ARHGAP6: variants seen among roughly 807,000 people sequenced by gnomAD.
ARHGAP6 encodes the protein Rho GTPase activating protein 6.
Under a neutral mutation model 55.7 loss-of-function variants are expected in ARHGAP6, and 16 were observed. The ratio of observed to expected loss-of-function variants is 0.29; its 90% CI spans 0.19 to 0.44. ARHGAP6 has a LOEUF of 0.44. Among genes scored for constraint, ARHGAP6 ranks in the 20% least tolerant of loss-of-function variants. The pLI is 1.00. For synonymous variants in ARHGAP6, 382 were observed against 360.9 expected (o/e 1.06, Z -0.66); for missense variants, 698 against 808.9 (o/e 0.86, Z 1.66).
At chrX:11,225,635 C>T (rs1436926133) in intron 2 of ARHGAP6, 2 of 443,585 alleles carry the variant, frequency 4.5e-6, no homozygotes, top group East Asian at 4.7e-5. Context: ...AAAATTTATC[C>T]GATTTTAATC....
At chrX:11,423,349 A>T (rs2049845509) in intron 1 of ARHGAP6, among the ~76,000 whole-genome samples, 1 of 112,984 alleles carries the variant, frequency 8.9e-6, no homozygotes, top group African/African-American at 3.2e-5. Flanking sequence ...TTGAATGTTC[A>T]TAGAGAACAA....
intron 1 of ARHGAP6, among the ~76,000 whole-genome samples, chrX:11,399,105 AAG>A (rs1280540988): frequency 8.9e-6 from 1 of 111,888 alleles, no homozygotes; most frequent in Non-Finnish European, 1.9e-5. Context: ...TTGGACTAAA[AAG>A]AGGACACACA....
chrX:11,378,546 A>G (rs1236132188), intron 1 of ARHGAP6, among the ~76,000 whole-genome samples: 1 of 112,578 alleles, frequency 8.9e-6, no homozygotes, highest in Non-Finnish European at 1.9e-5. Context: ...CAGTTCCATA[A>G]TACTACAAAA....
At chrX:11,511,899 T>G (rs2050788317) in intron 1 of ARHGAP6, among the ~76,000 whole-genome samples, 1 of 111,268 alleles carries the variant, frequency 9.0e-6, no homozygotes, top group Non-Finnish European at 1.9e-5. Flanking sequence ...TGATCTCAGC[T>G]CACTGCAAGC....
chrX:11,255,916 A>G (rs955717392), intron 1 of ARHGAP6, among the ~76,000 whole-genome samples: 1 of 112,210 alleles, frequency 8.9e-6, no homozygotes, highest in Non-Finnish European at 1.9e-5. Context: ...TCTCCTTACT[A>G]AAGACTTCTT....
chrX:11,362,393 A>G (rs1300408629), intron 1 of ARHGAP6, among the ~76,000 whole-genome samples: 1 of 109,996 alleles, frequency 9.1e-6, no homozygotes, highest in Admixed American at 9.7e-5. Context: ...TTCTCAGTAA[A>G]CTATCGCAAG....
chrX:11,368,235 G>A (rs991885876), intron 1 of ARHGAP6, among the ~76,000 whole-genome samples: 6 of 112,451 alleles, frequency 5.3e-5, no homozygotes, highest in Non-Finnish European at 9.4e-5. Context: ...TGAGCATATT[G>A]CATTACTGTT....
chrX:11,466,840 T>G (rs1315964833), intron 1 of ARHGAP6, among the ~76,000 whole-genome samples: 4 of 112,276 alleles, frequency 3.6e-5, no homozygotes, highest in South Asian at 3.7e-4. Flanking sequence ...CTATATATGT[T>G]TCTTACAGTA....
At chrX:11,601,172 C>T (rs1002173301) in intron 1 of ARHGAP6, among the ~76,000 whole-genome samples, 13 of 111,210 alleles carry the variant, frequency 1.2e-4, no homozygotes, top group Admixed American at 7.7e-4. Flanking sequence ...GGTGACTGAT[C>T]GGGATAAGTC....
chrX:11,474,048 A>T (rs1320792496), intron 1 of ARHGAP6, among the ~76,000 whole-genome samples: 1 of 111,281 alleles, frequency 9.0e-6, no homozygotes, highest in Non-Finnish European at 1.9e-5. Flanking sequence ...GTGAAATTCA[A>T]TATGTACCCT....
intron 1 of ARHGAP6, among the ~76,000 whole-genome samples, chrX:11,309,605 A>G (rs866557424): frequency 1.8e-5 from 2 of 111,428 alleles, no homozygotes; most frequent in Non-Finnish European, 3.8e-5. Flanking sequence ...TGAGGTAGAC[A>G]TATGGCAGTT....
chrX:11,394,504 C>G (rs1297566789), intron 1 of ARHGAP6, among the ~76,000 whole-genome samples: 1 of 111,389 alleles, frequency 9.0e-6, no homozygotes, highest in East Asian at 2.8e-4. Context: ...GAATTGCACA[C>G]TTAAACTGAG....
intron 1 of ARHGAP6, among the ~76,000 whole-genome samples, chrX:11,374,274 C>T (rs1028499893): frequency 1.1e-4 from 12 of 111,408 alleles, no homozygotes; most frequent in Non-Finnish European, 3.8e-5. Context: ...CAGTTTTGCT[C>T]GTAAAGAGGC....
At chrX:11,368,277 G>A (rs192180973) in intron 1 of ARHGAP6, among the ~76,000 whole-genome samples, 2 of 112,144 alleles carry the variant, frequency 1.8e-5, no homozygotes, top group African/African-American at 6.5e-5. Flanking sequence ...TTTATTTTTC[G>A]GCATGGAAGA....
At chrX:11,590,536 A>C (rs745911080) in intron 1 of ARHGAP6, among the ~76,000 whole-genome samples, 1 of 109,419 alleles carries the variant, frequency 9.1e-6, no homozygotes, top group East Asian at 2.9e-4. Context: ...CTGTAATCCC[A>C]GCACTTTGGA....
intron 1 of ARHGAP6, among the ~76,000 whole-genome samples, chrX:11,487,686 C>T (rs1385332929): frequency 8.9e-6 from 1 of 111,940 alleles, no homozygotes; most frequent in Non-Finnish European, 1.9e-5. Context: ...CCTTATCCCA[C>T]TGCTAAATGT....
intron 2 of ARHGAP6, among the ~76,000 whole-genome samples, chrX:11,227,293 A>G (rs1390253754): frequency 1.8e-5 from 2 of 112,085 alleles, no homozygotes. Flanking sequence ...GTCAATGTTA[A>G]TGCTACATGT....
chrX:11,614,584 A>C (rs1209804311), intron 1 of ARHGAP6, among the ~76,000 whole-genome samples: 1 of 111,713 alleles, frequency 9.0e-6, no homozygotes, highest in Non-Finnish European at 1.9e-5. Context: ...CTCCTCTAAC[A>C]CTGGGGATTA....
At chrX:11,535,210 G>C (rs2051090158) in intron 1 of ARHGAP6, among the ~76,000 whole-genome samples, 1 of 111,622 alleles carries the variant, frequency 9.0e-6, no homozygotes, top group African/African-American at 3.3e-5. Flanking sequence ...TAGCCACCCT[G>C]CTTCCCATGT....
Sources: gnomAD v4.1 joint callset for allele counts (sites outside exome capture counted in the v4.1 genomes callset) on GRCh38, gnomAD v4.1.1 for gene constraint, MANE v1.5 for transcripts, NCBI Gene and HGNC (gene_info 2026-07-23, HGNC 2026-07-21) for gene names.